The following MGLL variants were observed in gnomAD, a reference collection of about 807,000 sequenced individuals.
MGLL encodes the protein lysophospholipase homolog.
Under a neutral mutation model 29.1 loss-of-function variants are expected in MGLL, and 7 were observed. That is an observed-to-expected ratio of 0.24 (90% CI 0.14 to 0.45). MGLL has a LOEUF of 0.45. MGLL is among the 20% of genes least tolerant of loss of function. The pLI, the probability that MGLL is intolerant of heterozygous loss-of-function variation, is 0.99. For missense variants in MGLL, 356 were observed against 413.6 expected (o/e 0.86, Z 1.21); for synonymous variants, 148 against 168.3 (o/e 0.88, Z 0.93).
chr3:127,722,146 G>C (rs774886736), intron 4 of MGLL, among the ~76,000 whole-genome samples: 2 of 152,190 alleles, frequency 1.3e-5, no homozygotes, highest in African/African-American at 2.4e-5. Flanking sequence ...GTGGCTCTTA[G>C]CAGCCTCACT....
intron 5 of MGLL, 97 bp from the exon 6 acceptor site, chr3:127,710,762 C>T: frequency 9.0e-7 from 1 of 1,115,700 alleles, no homozygotes; most frequent in Non-Finnish European, 1.3e-6. Context: ...GAGAGTGATG[C>T]CCAAACTGAA....
At chr3:127,767,041 C>T (rs908720251) in intron 3 of MGLL, among the ~76,000 whole-genome samples, 7 of 151,796 alleles carry the variant, frequency 4.6e-5, no homozygotes, top group Non-Finnish European at 1.0e-4. Context: ...CCACTGCACT[C>T]CAGCCCGAGT....
intron 2 of MGLL, among the ~76,000 whole-genome samples, chr3:127,809,412 G>A (rs1451754705): frequency 6.6e-6 from 1 of 152,102 alleles, no homozygotes; most frequent in Non-Finnish European, 1.5e-5. Flanking sequence ...GATCATTTGA[G>A]CCTGGGAATT....
intron 2 of MGLL, among the ~76,000 whole-genome samples, chr3:127,802,968 GTCTC>G (rs142783705): frequency 1.8e-4 from 27 of 151,126 alleles, no homozygotes; most frequent in South Asian, 2.1e-4. Flanking sequence ...TCAAGCCTGA[GTCTC>G]TCTCTCTCTC....
Position 127,748,006 on chromosome 3 carries a change from G to A in MGLL, c.263-25440C>T, listed in dbSNP as rs373933737. ...AGATGCTCTCTCTTCCCAAGTCCAC[G>A]TGAGATTTCACGCGGGGAGGAGCCA... On this transcript the variant is annotated intron_variant, in intron 3 of 7. Transcript: ENST00000265052. Among the ~76,000 whole-genome samples, 14 of 152,322 alleles carry A rather than the reference G, an allele frequency of 9.2e-5. No individual in the cohort carries two copies. In the East Asian group the frequency reaches 1.3e-3, roughly 15 times the overall value.
intron 2 of MGLL, among the ~76,000 whole-genome samples, chr3:127,786,626 C>G (rs2077217745): frequency 1.3e-5 from 2 of 152,246 alleles, no homozygotes; most frequent in African/African-American, 4.8e-5. Context: ...AATGTACAAA[C>G]CAGGCTGCTT....
chr3:127,752,082 T>A (rs1003737812), intron 3 of MGLL, among the ~76,000 whole-genome samples: 8 of 151,142 alleles, frequency 5.3e-5, no homozygotes, highest in Middle Eastern at 3.2e-3. Flanking sequence ...ACACTCACAC[T>A]CATGTCTCAG....
At chr3:127,794,401 G>A (rs1277357153) in intron 2 of MGLL, among the ~76,000 whole-genome samples, 1 of 152,162 alleles carries the variant, frequency 6.6e-6, no homozygotes, top group Non-Finnish European at 1.5e-5. Context: ...CCTCTATTAT[G>A]ATGCCAAACT....
chr3:127,762,564 G>A (rs1232239101), intron 3 of MGLL, among the ~76,000 whole-genome samples: 1 of 152,178 alleles, frequency 6.6e-6, no homozygotes, highest in African/African-American at 2.4e-5. Context: ...GGTTCTGGGA[G>A]CTGGGGCCTG....
At chr3:127,756,760 G>C (rs2076672235) in intron 3 of MGLL, among the ~76,000 whole-genome samples, 1 of 152,170 alleles carries the variant, frequency 6.6e-6, no homozygotes, top group African/African-American at 2.4e-5. Context: ...ATTTCTAGCA[G>C]TCAAACTTAA....
chr3:127,711,053 TCA>T, intron 5 of MGLL: 2 of 349,158 alleles, frequency 5.7e-6, no homozygotes, highest in Non-Finnish European at 1.1e-5. Context: ...AGGTGCAGAA[TCA>T]CACAGATCAA....
intron 2 of MGLL, among the ~76,000 whole-genome samples, chr3:127,788,077 A>G (rs1461486137): frequency 6.6e-6 from 1 of 152,230 alleles, no homozygotes; most frequent in Non-Finnish European, 1.5e-5. Flanking sequence ...AGAGGAAACT[A>G]GAAATAGACT....
intron 2 of MGLL, among the ~76,000 whole-genome samples, chr3:127,806,144 G>T (rs2077561016): frequency 6.6e-6 from 1 of 152,206 alleles, no homozygotes. Context: ...GACTGTGAGG[G>T]TCCTCTCCTC....
chr3:127,776,326 T>C (rs767300429), intron 3 of MGLL, among the ~76,000 whole-genome samples: 2 of 151,472 alleles, frequency 1.3e-5, no homozygotes, highest in Non-Finnish European at 2.9e-5. Context: ...TTTAAAATCC[T>C]GATGCCCAGG....
intron 3 of MGLL, among the ~76,000 whole-genome samples, chr3:127,765,042 C>T (rs1024371031): frequency 6.6e-6 from 1 of 152,192 alleles, no homozygotes; most frequent in African/African-American, 2.4e-5. Context: ...CAAGGACCAC[C>T]TATTTGTTCT....
intron 3 of MGLL, among the ~76,000 whole-genome samples, chr3:127,764,618 C>G (rs72626384): frequency 0.13 from 19,136 of 152,066 alleles, 1,244 homozygotes; most frequent in Middle Eastern, 0.17. Context: ...AGCTTTGCAT[C>G]GATAATCAGG....
chr3:127,695,145 T>G lies in MGLL; in HGVS notation c.646A>C (p.Lys216Gln). 1 of 1,614,182 alleles carries G rather than the reference T, an allele frequency of 6.2e-7. No individual in the cohort carries two copies. The highest frequency in any genetic ancestry group is 8.5e-7 in the Non-Finnish European group (1 of 1,180,040). ...SDPLICRAGL[K>Q]VCFGIQLLNA... The stretch of plus-strand genomic sequence containing the variant: ...AGCAGTTGGATGCCGAAGCACACCT[T>G]CAGCCCTGCCCGGCAGATCAGGGGG... Residue 216 changes from lysine (K) to glutamine (Q), a missense_variant, in exon 7 of 8, where the codon AAG (lysine) becomes CAG (glutamine). Physicochemically the swap from Lys to Gln is moderately conservative, Grantham distance 53. Coordinates refer to ENST00000265052, the MANE Select transcript of MGLL (RefSeq NM_007283.7).
chr3:127,722,556 T>C lies in MGLL; in HGVS notation c.273A>G (p.Gly91=). The change falls in exon 4 of 8, where the codon GGA becomes GGG. Residue 91 remains glycine (G), a synonymous_variant. Coordinates refer to ENST00000265052, the MANE Select transcript of MGLL (RefSeq NM_007283.7). ...CTACCATCCTCTCCCCTTCGCTCTG[T>C]CCGTGGCCAACTGGAAAGGAACGGG... ...LVFAHDHVGH[G]QSEGERMVVS... is the part of the protein sequence containing the mutation. 1.2e-6 allele frequency: 2 copies of C among 1,614,216 alleles called. No individual in the cohort carries two copies. The highest frequency in any genetic ancestry group is 8.5e-7 in the Non-Finnish European group (1 of 1,180,032).
chr3:127,734,511 C>T (rs1431034750), intron 3 of MGLL, among the ~76,000 whole-genome samples: 1 of 152,234 alleles, frequency 6.6e-6, no homozygotes, highest in Non-Finnish European at 1.5e-5. Flanking sequence ...TTTCTCACCC[C>T]TGCTCCTTCG....
Sources: allele counts gnomAD v4.1 joint callset (sites outside exome capture counted in the v4.1 genomes callset), GRCh38; gene constraint gnomAD v4.1.1; transcripts MANE v1.5; gene names NCBI Gene and HGNC (gene_info 2026-07-23, HGNC 2026-07-21).